CEP152: variants seen among roughly 807,000 people sequenced by gnomAD.
CEP152 encodes centrosomal protein 152.
CEP152 carries 132 observed loss-of-function variants against 188.9 expected under a neutral mutation model. The ratio of observed to expected loss-of-function variants is 0.70; its 90% CI spans 0.61 to 0.81. CEP152 has a LOEUF of 0.81. Among genes scored for constraint, CEP152 ranks in the 30% least tolerant of loss-of-function variants. The pLI is 0.00. For synonymous variants in CEP152, 649 were observed against 666.6 expected (o/e 0.97, Z 0.41); for missense variants, 1,914 against 1,969.8 (o/e 0.97, Z 0.54).
intron 26 of CEP152, among the ~76,000 whole-genome samples, chr15:48,739,613 T>C (rs1392306688): frequency 1.3e-5 from 2 of 152,230 alleles, no homozygotes; most frequent in Non-Finnish European, 2.9e-5. Context: ...CCAGCCACAA[T>C]GTTTTCAATC....
chr15:48,752,316 C>A, intron 21 of CEP152, 33 bp downstream of exon 21: 1 of 1,613,972 alleles, frequency 6.2e-7, no homozygotes, highest in Non-Finnish European at 8.5e-7. Context: ...ATTATGGATG[C>A]TACAAAGACT....
At chr15:48,766,407 G>A (rs1363860015) in intron 17 of CEP152, among the ~76,000 whole-genome samples, 1 of 152,188 alleles carries the variant, frequency 6.6e-6, no homozygotes, top group African/African-American at 2.4e-5. Flanking sequence ...CCAGGACAGG[G>A]AAGAAAAGAG....
intron 17 of CEP152, among the ~76,000 whole-genome samples, chr15:48,766,144 T>G (rs962766272): frequency 6.6e-6 from 1 of 152,160 alleles, no homozygotes; most frequent in African/African-American, 2.4e-5. Flanking sequence ...CATGGCACAT[T>G]TTTCACCATA....
At chr15:48,757,435 T>C (rs1894357044) in intron 19 of CEP152, among the ~76,000 whole-genome samples, 1 of 152,234 alleles carries the variant, frequency 6.6e-6, no homozygotes, top group Non-Finnish European at 1.5e-5. Context: ...TCAATAAATC[T>C]TATGTAGTTA....
At chr15:48,787,324 T>A (rs1896727115) in intron 9 of CEP152, among the ~76,000 whole-genome samples, 1 of 151,834 alleles carries the variant, frequency 6.6e-6, no homozygotes, top group Non-Finnish European at 1.5e-5. Flanking sequence ...CATGCCACCA[T>A]GCCCAGCTAA....
At chr15:48,748,416 G>T in intron 22 of CEP152, 27 bp downstream of exon 22, 3 of 1,504,718 alleles carry the variant, frequency 2.0e-6, no homozygotes, top group Non-Finnish European at 2.7e-6. Flanking sequence ...AATTCATATT[G>T]GTAGCAGTGC....
At chr15:48,791,555 T>C (rs1896990330) in intron 7 of CEP152, among the ~76,000 whole-genome samples, 179 bp from the exon 8 acceptor site, 1 of 152,192 alleles carries the variant, frequency 6.6e-6, no homozygotes, top group South Asian at 2.1e-4. Flanking sequence ...TACTTACTTA[T>C]TTATTTATTT....
chr15:48,797,731 C>A lies in CEP152; in HGVS notation c.192-1G>T. The stretch of plus-strand genomic sequence containing the variant: ...CTCCAATTGCTCAGGATGATGTGGT[C>A]TCGAGAAAAAGGAATACTTTCGATT... On this transcript the variant is annotated splice_acceptor_variant, in intron 3 of 26. Transcript: ENST00000380950. LOFTEE classifies it high-confidence loss of function. The A allele has an allele frequency of 6.2e-7, 1 of 1,613,928 alleles. No homozygotes were observed. Among genetic ancestry groups the A allele is most frequent in the South Asian group, 1.1e-5 (1 of 91,076 alleles).
chr15:48,778,462 G>A (rs1896054768), intron 12 of CEP152, among the ~76,000 whole-genome samples: 1 of 152,256 alleles, frequency 6.6e-6, no homozygotes, highest in East Asian at 1.9e-4. Context: ...ATAAACTGCT[G>A]GTGGGTGGGA....
chr15:48,787,336 T>C (rs943457478), intron 9 of CEP152, among the ~76,000 whole-genome samples: 3 of 151,728 alleles, frequency 2.0e-5, no homozygotes, highest in African/African-American at 7.3e-5. Context: ...CCCAGCTAAT[T>C]TGTTATTTTT....
chr15:48,788,326 CTTTTTT>C (rs538514112), intron 9 of CEP152, among the ~76,000 whole-genome samples: 2 of 97,060 alleles, frequency 2.1e-5, no homozygotes, highest in African/African-American at 3.8e-5. Flanking sequence ...TCACTGGCTT[CTTTTTT>C]TTTTTTTTTT....
chr15:48,783,350 C>T (rs929498322), intron 10 of CEP152: 6 of 152,086 alleles, frequency 3.9e-5, no homozygotes, highest in African/African-American at 9.7e-5. Flanking sequence ...AAAAATGTAA[C>T]TCTCTGGCCT....
intron 13 of CEP152, 56 bp downstream of exon 13, chr15:48,772,431 G>T: frequency 1.4e-6 from 2 of 1,468,600 alleles, no homozygotes; most frequent in Non-Finnish European, 1.9e-6. Context: ...AAGTGTAAAA[G>T]TTTTCTTTAT....
At chr15:48,758,539 T>C (rs562191086) in intron 19 of CEP152, among the ~76,000 whole-genome samples, 1 of 151,706 alleles carries the variant, frequency 6.6e-6, no homozygotes, top group African/African-American at 2.4e-5. Flanking sequence ...GCCAATATGG[T>C]GAAACCTCAT....
chr15:48,765,326 T>C (rs936913177), intron 17 of CEP152, among the ~76,000 whole-genome samples: 10 of 152,132 alleles, frequency 6.6e-5, no homozygotes, highest in African/African-American at 9.7e-5. Flanking sequence ...CGCCCAGTGG[T>C]GGGAGGAAGT....
intron 12 of CEP152, among the ~76,000 whole-genome samples, chr15:48,774,420 A>G (rs370233428): frequency 5.3e-5 from 8 of 152,280 alleles, no homozygotes; most frequent in South Asian, 4.1e-4. Context: ...CATCACACCA[A>G]TGTCAGATTG....
chr15:48,738,336 CA>C lies in CEP152; in HGVS notation c.5045del (p.Val1682GlyfsTer9). The C allele has an allele frequency of 6.2e-7, 1 of 1,614,156 alleles. No individual in the cohort carries two copies. Among genetic ancestry groups the C allele is most frequent in the South Asian group, 1.1e-5 (1 of 91,070 alleles). ...TTAATTTTCTTGAAGGCTGCTGACA[CA>C]CTGAAGATGGTAATGTACTGCTCAG... ...KKLSSTLPSS[V>X]CQQPSRKLIV... On this transcript the variant is annotated frameshift_variant, in exon 27 of 27. Transcript: ENST00000380950. LOFTEE classifies it low-confidence loss of function (END_TRUNC).
In CEP152 at chr15:48,767,252, TAACA is replaced by T. The variant is rs1277897754; in HGVS notation, c.2148-64_2148-61del. ...ACCACAAAAAAATACAAGAGCTGCA[TAACA>T]AACAATTTTCCTCTAAATTATGGAA... On this transcript the variant is annotated intron_variant, in intron 16 of 26. Coordinates refer to ENST00000380950, the MANE Select transcript of CEP152 (RefSeq NM_001194998.2). 4 of 1,613,718 alleles carry T rather than the reference TAACA, an allele frequency of 2.5e-6. No homozygotes were observed. In the African/African-American group the frequency reaches 5.3e-5, roughly 22 times the overall value.
At chr15:48,778,018 T>C (rs1022030045) in intron 12 of CEP152, among the ~76,000 whole-genome samples, 4 of 152,244 alleles carry the variant, frequency 2.6e-5, no homozygotes, top group Admixed American at 2.6e-4. Context: ...TAGTCCCTTA[T>C]GAAGCCTGCT....
Sources: gnomAD v4.1 joint callset for allele counts (sites outside exome capture counted in the v4.1 genomes callset) on GRCh38, gnomAD v4.1.1 for gene constraint, MANE v1.5 for transcripts, NCBI Gene and HGNC (gene_info 2026-07-23, HGNC 2026-07-21) for gene names.